ASTN1: variants seen among roughly 807,000 people sequenced by gnomAD.
ASTN1 encodes the protein astrotactin-1.
A neutral mutation model predicts 140.7 loss-of-function variants in ASTN1; 41 were observed. The observed-to-expected ratio is 0.29, with a 90% CI of 0.23 to 0.38. The LOEUF is 0.38. ASTN1 is among the 10% of genes least tolerant of loss of function. ASTN1 has a pLI of 1.00. For missense variants in ASTN1, 1,479 were observed against 1,678.8 expected (o/e 0.88, Z 2.08); for synonymous variants, 640 against 652.2 (o/e 0.98, Z 0.29).
chr1:177,138,834 A>T (rs1390476543), intron 1 of ASTN1, among the ~76,000 whole-genome samples: 3 of 152,208 alleles, frequency 2.0e-5, no homozygotes, highest in Non-Finnish European at 4.4e-5. Context: ...CAGCTTCCCT[A>T]AAATATGATT....
intron 16 of ASTN1, among the ~76,000 whole-genome samples, chr1:176,918,352 G>C (rs1025859156): frequency 2.0e-5 from 3 of 152,124 alleles, no homozygotes; most frequent in Non-Finnish European, 4.4e-5. Context: ...TCTCCTCTGA[G>C]CTCCAGACTT....
intron 16 of ASTN1, among the ~76,000 whole-genome samples, chr1:176,922,385 G>T (rs141604464): frequency 1.3e-5 from 2 of 152,026 alleles, no homozygotes; most frequent in East Asian, 3.9e-4. Flanking sequence ...TCTGGAGGAT[G>T]TGCCTGACAG....
At chr1:177,092,664 G>A (rs990514260) in intron 1 of ASTN1, among the ~76,000 whole-genome samples, 8 of 152,088 alleles carry the variant, frequency 5.3e-5, no homozygotes. Context: ...TCCATTTGGG[G>A]TTCATTTTGG....
chr1:176,903,364 A>G (rs1399952424), intron 16 of ASTN1, among the ~76,000 whole-genome samples: 10 of 151,702 alleles, frequency 6.6e-5, no homozygotes, highest in Admixed American at 5.9e-4. Flanking sequence ...AACTAATTCT[A>G]CTGGTACTTT....
intron 1 of ASTN1, among the ~76,000 whole-genome samples, chr1:177,119,052 G>GT (rs1470491437): frequency 1.3e-5 from 2 of 152,054 alleles, no homozygotes; most frequent in Non-Finnish European, 2.9e-5. Flanking sequence ...ATCTTCACTG[G>GT]GAAGCCTTCC....
chr1:176,910,084 C>T (rs1484061084), intron 16 of ASTN1, among the ~76,000 whole-genome samples: 1 of 152,052 alleles, frequency 6.6e-6, no homozygotes, highest in African/African-American at 2.4e-5. Flanking sequence ...AATTAAATGG[C>T]GTTGTGAAAA....
chr1:176,891,764 GC>G (rs1472827579), intron 17 of ASTN1, among the ~76,000 whole-genome samples: 1 of 152,124 alleles, frequency 6.6e-6, no homozygotes, highest in African/African-American at 2.4e-5. Context: ...TTGCACTCCA[GC>G]CTGGGCAACA....
chr1:176,904,098 G>T (rs1669882399), intron 16 of ASTN1, among the ~76,000 whole-genome samples: 1 of 152,216 alleles, frequency 6.6e-6, no homozygotes, highest in Non-Finnish European at 1.5e-5. Context: ...CACATTCTGA[G>T]GTTCCGGGCA....
At chr1:177,076,239 A>G (rs989457942) in intron 1 of ASTN1, among the ~76,000 whole-genome samples, 3 of 144,824 alleles carry the variant, frequency 2.1e-5, no homozygotes, top group African/African-American at 7.6e-5. Context: ...AGATTGTGCC[A>G]CTGCACTCCA....
chr1:177,164,342 TG>T (rs1647577613), intron 1 of ASTN1, 51 bp downstream of exon 1: 16 of 1,226,464 alleles, frequency 1.3e-5, no homozygotes, highest in Non-Finnish European at 1.6e-5. Context: ...GAGTGGGGGG[TG>T]GGGGCGCCGG....
intron 8 of ASTN1, among the ~76,000 whole-genome samples, chr1:176,975,329 T>C (rs1673319329): frequency 6.6e-6 from 1 of 152,228 alleles, no homozygotes. Context: ...GTCACATTAG[T>C]AGCCCAAGGT....
chr1:177,147,701 G>T (rs1682780004), intron 1 of ASTN1, among the ~76,000 whole-genome samples: 1 of 152,150 alleles, frequency 6.6e-6, no homozygotes, highest in Admixed American at 6.5e-5. Flanking sequence ...TGCTTGCATG[G>T]GTAACTTCAG....
chr1:177,076,125 A>G (rs1678892472), intron 1 of ASTN1, among the ~76,000 whole-genome samples: 1 of 151,688 alleles, frequency 6.6e-6, no homozygotes, highest in Admixed American at 6.6e-5. Flanking sequence ...TAAAAATACA[A>G]AAAATTAGCT....
intron 14 of ASTN1, among the ~76,000 whole-genome samples, chr1:176,940,844 AGT>A (rs2103102243): frequency 6.6e-6 from 1 of 152,344 alleles, no homozygotes; most frequent in East Asian, 1.9e-4. Flanking sequence ...ATGATTCTCT[AGT>A]TAAATAGACT....
At chr1:176,902,495 G>A (rs1004102550) in intron 16 of ASTN1, among the ~76,000 whole-genome samples, 25 of 152,204 alleles carry the variant, frequency 1.6e-4, no homozygotes, top group Non-Finnish European at 2.4e-4. Flanking sequence ...TAACGGTCTG[G>A]TTGAGGTTCC....
intron 8 of ASTN1, among the ~76,000 whole-genome samples, chr1:176,991,827 A>G (rs1674191938): frequency 6.6e-6 from 1 of 152,214 alleles, no homozygotes; most frequent in Admixed American, 6.5e-5. Flanking sequence ...GTATCCTCAG[A>G]GGTAAACTTC....
chr1:176,881,255 C>T (rs569979303), intron 20 of ASTN1, among the ~76,000 whole-genome samples: 5 of 152,200 alleles, frequency 3.3e-5, no homozygotes, highest in African/African-American at 1.2e-4. Flanking sequence ...ATTCACAGTT[C>T]GCATTTTATA....
At chr1:176,876,364 C>T (rs187714939) in intron 21 of ASTN1, among the ~76,000 whole-genome samples, 173 bp downstream of exon 21, 10 of 152,232 alleles carry the variant, frequency 6.6e-5, no homozygotes, top group South Asian at 2.1e-4. Flanking sequence ...CTTTTGCCAG[C>T]GGCTGAGTAT....
chr1:176,914,250 A>C (rs1253471571), intron 16 of ASTN1, among the ~76,000 whole-genome samples: 1 of 152,208 alleles, frequency 6.6e-6, no homozygotes, highest in Non-Finnish European at 1.5e-5. Flanking sequence ...AATCAGTCCT[A>C]AATTCTATGG....
Sources: gnomAD v4.1 joint callset for allele counts (sites outside exome capture counted in the v4.1 genomes callset) on GRCh38, gnomAD v4.1.1 for gene constraint, MANE v1.5 for transcripts, NCBI Gene and HGNC (gene_info 2026-07-23, HGNC 2026-07-21) for gene names.